The following RUFY2 variants were observed in gnomAD, a reference collection of about 807,000 sequenced individuals.
RUFY2 encodes RUN and FYVE domain-containing protein 2.
In RUFY2, 49 loss-of-function variants were observed where a neutral mutation model predicts 94.4. The observed-to-expected ratio is 0.52, with a 90% CI of 0.41 to 0.66. The LOEUF is 0.66. Ranked by LOEUF, RUFY2 falls within the 30% of genes least tolerant of loss-of-function variation. The pLI, the probability that RUFY2 is intolerant of heterozygous loss-of-function variation, is 0.00. For missense variants in RUFY2, 541 were observed against 692.8 expected (o/e 0.78, Z 2.46); for synonymous variants, 255 against 235.7 (o/e 1.08, Z -0.75).
At chr10:68,378,478 ATAGCATT>A in intron 12 of RUFY2, 3 of 1,360,976 alleles carry the variant, frequency 2.2e-6, no homozygotes, top group Non-Finnish European at 2.8e-6. Flanking sequence ...AGAATATTTA[ATAGCATT>A]TAGATTCCTT....
At chr10:68,341,551 T>C, downstream of RUFY2, 4 of 1,394,488 alleles carry the variant, frequency 2.9e-6, no homozygotes, top group Non-Finnish European at 4.0e-6. Flanking sequence ...CATCATTCCT[T>C]TCTCCCCTGT....
chr10:68,367,220 T>C (rs904826335), intron 13 of RUFY2, among the ~76,000 whole-genome samples: 1 of 152,144 alleles, frequency 6.6e-6, no homozygotes, highest in African/African-American at 2.4e-5. Context: ...GTCTTACCTA[T>C]GCTTTTGTCA....
intron 15 of RUFY2, among the ~76,000 whole-genome samples, chr10:68,361,529 T>C (rs926673891): frequency 6.6e-6 from 1 of 152,166 alleles, no homozygotes; most frequent in African/African-American, 2.4e-5. Flanking sequence ...TAGCACAGGG[T>C]CTGGCTCAAA....
chr10:68,359,133 C>A (rs536853344), intron 15 of RUFY2, among the ~76,000 whole-genome samples: 65 of 152,036 alleles, frequency 4.3e-4, no homozygotes, highest in Non-Finnish European at 6.6e-4. Context: ...AATCCCAACC[C>A]TTTGGGAGGC....
intron 8 of RUFY2, 40 bp from the exon 9 acceptor site, chr10:68,384,192 A>G: frequency 6.4e-7 from 1 of 1,566,240 alleles, no homozygotes; most frequent in Non-Finnish European, 8.6e-7. Flanking sequence ...GATTTTAAAC[A>G]CCCTTATACT....
chr10:68,341,557 CCT>C (rs200181106), downstream of RUFY2: 3,115 of 1,429,830 alleles, frequency 2.2e-3, 33 homozygotes, highest in African/African-American at 0.028. Flanking sequence ...TCCTTTCTCC[CCT>C]GTTACTCTTT....
At chr10:68,371,910 T>G (rs867052247) in intron 13 of RUFY2, among the ~76,000 whole-genome samples, 1 of 152,186 alleles carries the variant, frequency 6.6e-6, no homozygotes, top group African/African-American at 2.4e-5. Flanking sequence ...CTAAAAGAAC[T>G]GCCAACCCAG....
chr10:68,379,803 C>T (rs1028691956), intron 11 of RUFY2, among the ~76,000 whole-genome samples: 2 of 150,596 alleles, frequency 1.3e-5, no homozygotes, highest in African/African-American at 2.4e-5. Context: ...TAAAGCAGTG[C>T]TATTAGTCAT....
intron 4 of RUFY2, among the ~76,000 whole-genome samples, chr10:68,394,817 G>A (rs2050264026): frequency 6.6e-6 from 1 of 151,460 alleles, no homozygotes; most frequent in Non-Finnish European, 1.5e-5. Flanking sequence ...TTTTAGTAGA[G>A]ACGGGGTTTC....
chr10:68,345,569 C>T lies in RUFY2; in HGVS notation c.*199G>A. 3 of 504,130 alleles carry T rather than the reference C, an allele frequency of 6.0e-6. No individual in the cohort carries two copies. The highest frequency in any genetic ancestry group is 1.0e-5 in the Non-Finnish European group (3 of 290,076). 31.2% of individuals were successfully genotyped at this position (504,130 alleles called of 1,614,324 possible). On this transcript the variant is annotated 3_prime_UTR_variant, in exon 18 of 18. Transcript: ENST00000602465. ...GAGTTACATGATTTTTAAGCATGCT[C>T]TGTTGAAAATACATTTTGAAAAACA...
intron 16 of RUFY2, among the ~76,000 whole-genome samples, chr10:68,349,684 A>G (rs61857314): frequency 0.11 from 16,455 of 151,334 alleles, 1,106 homozygotes; most frequent in South Asian, 0.24. Context: ...GACTACAGGC[A>G]CCCACCACTG....
chr10:68,394,054 A>AAT (rs1294817539), intron 6 of RUFY2, 21 bp downstream of exon 6: 1 of 1,494,596 alleles, frequency 6.7e-7, no homozygotes, highest in South Asian at 1.3e-5. Context: ...CAATATGTGA[A>AAT]ATAACTTATG....
intron 13 of RUFY2, among the ~76,000 whole-genome samples, chr10:68,372,801 C>G (rs989335708): frequency 6.6e-6 from 1 of 151,570 alleles, no homozygotes; most frequent in East Asian, 1.9e-4. Flanking sequence ...CTCAGCTACT[C>G]AGGAGCCTGA....
intron 4 of RUFY2, among the ~76,000 whole-genome samples, chr10:68,395,532 T>A (rs757072731): frequency 9.9e-5 from 15 of 152,180 alleles, no homozygotes; most frequent in Non-Finnish European, 7.3e-5. Context: ...AAGTCCATGT[T>A]CAAGTCAATG....
At chr10:68,402,320 TTATTC>T (rs1003499163) in intron 2 of RUFY2, among the ~76,000 whole-genome samples, 6 of 152,114 alleles carry the variant, frequency 3.9e-5, no homozygotes, top group Non-Finnish European at 8.8e-5. Flanking sequence ...TCCTTGTATT[TTATTC>T]TGAGATTTGG....
chr10:68,397,006 G>A, intron 3 of RUFY2, 125 bp from the exon 4 acceptor site: 1 of 618,668 alleles, frequency 1.6e-6, no homozygotes, highest in Non-Finnish European at 2.8e-6. Context: ...CATTTTTATA[G>A]GTTTATCTTT....
intron 12 of RUFY2, 27 bp from the exon 13 acceptor site, chr10:68,376,999 TA>T: frequency 1.2e-6 from 2 of 1,612,696 alleles, no homozygotes; most frequent in Non-Finnish European, 1.7e-6. Context: ...CAACTTTGGG[TA>T]AAACTGAGGC....
chr10:68,370,773 T>G (rs969151743), intron 13 of RUFY2, among the ~76,000 whole-genome samples: 1 of 151,828 alleles, frequency 6.6e-6, no homozygotes, highest in African/African-American at 2.4e-5. Context: ...GAGGGAAGAA[T>G]GAATGAATTT....
chr10:68,393,265 T>A, intron 6 of RUFY2, 62 bp from the exon 7 acceptor site: 5 of 726,510 alleles, frequency 6.9e-6, no homozygotes, highest in Non-Finnish European at 1.1e-5. Flanking sequence ...CACAAAAAAA[T>A]CTAAATCATC....
Sources: gnomAD v4.1 joint callset for allele counts (sites outside exome capture counted in the v4.1 genomes callset) on GRCh38, gnomAD v4.1.1 for gene constraint, MANE v1.5 for transcripts, NCBI Gene and HGNC (gene_info 2026-07-23, HGNC 2026-07-21) for gene names.